The following PCDHGB5 variants were observed in gnomAD, a reference collection of about 807,000 sequenced individuals.
PCDHGB5 encodes the protein protocadherin gamma subfamily B, 5.
Under a neutral mutation model 62.9 loss-of-function variants are expected in PCDHGB5, and 48 were observed. The observed-to-expected ratio is 0.76, with a 90% CI of 0.61 to 0.97. The LOEUF (loss-of-function observed/expected upper bound fraction) is 0.97. Among genes scored for constraint, PCDHGB5 ranks in the 50% least tolerant of loss-of-function variants. The pLI is 0.00. For missense variants in PCDHGB5, 1,118 were observed against 1,198.6 expected (o/e 0.93, Z 0.99); for synonymous variants, 474 against 511.2 (o/e 0.93, Z 0.98).
rs776258973 is a variant in PCDHGB5, at chr5:141,489,877, A to G, written c.2398-4930A>G. 1.2e-6 allele frequency: 2 copies of G among 1,614,230 alleles called. No individual in the cohort carries two copies. The highest frequency in any genetic ancestry group is 2.2e-5 in the South Asian group (2 of 91,090). Reference sequence around the variant, plus strand: ...CCAGGCAAGACATCAGCTGGTGCTTACTGCTGTGGATGGGGGGACCCCAGC... The same window carrying G: ...CCAGGCAAGACATCAGCTGGTGCTTGCTGCTGTGGATGGGGGGACCCCAGC... On this transcript the variant is annotated intron_variant, in intron 1 of 3. Coordinates refer to ENST00000617380, the MANE Select transcript of PCDHGB5 (RefSeq NM_018925.3). This position sits in a 1 kb window ranked among gnomAD's most constrained non-coding sequence, Gnocchi z 4.5.
At chr5:141,404,882 G>T (rs1380203392) in intron 1 of PCDHGB5, 3 of 1,613,772 alleles carry the variant, frequency 1.9e-6, no homozygotes, top group Non-Finnish European at 2.5e-6. Context: ...GAGCCTTGTG[G>T]TGGCTGTACA....
chr5:141,410,079 T>A, intron 1 of PCDHGB5: 1 of 1,612,494 alleles, frequency 6.2e-7, no homozygotes, highest in Non-Finnish European at 8.5e-7. Context: ...ACTGGGGAGG[T>A]GCGCACGGCT....
intron 1 of PCDHGB5, among the ~76,000 whole-genome samples, chr5:141,405,886 CCAACACTGAAAGGAGG>C (rs1168478788): frequency 1.3e-5 from 2 of 152,086 alleles, no homozygotes; most frequent in African/African-American, 4.8e-5. Context: ...AATTGTTGCT[CCAACACTGAAAGGAGG>C]CATTTATTAG....
intron 1 of PCDHGB5, among the ~76,000 whole-genome samples, chr5:141,443,122 A>C (rs1239492679): frequency 6.6e-6 from 1 of 152,138 alleles, no homozygotes; most frequent in East Asian, 1.9e-4. Flanking sequence ...TTCAAACCAG[A>C]TTAAGAACAC....
chr5:141,500,184 T>TTTTTTTTATTTA (rs1554186429), intron 2 of PCDHGB5, among the ~76,000 whole-genome samples: 16 of 135,886 alleles, frequency 1.2e-4, no homozygotes, highest in African/African-American at 4.3e-4. Context: ...TCATTTTTAT[T>TTTTTTTTATTTA]TTTATTTATT....
chr5:141,404,682 T>G lies in PCDHGB5; in HGVS notation c.2397+4158T>G, dbSNP rs766278950. 2.5e-6 allele frequency: 4 copies of G among 1,613,914 alleles called. No individual in the cohort carries two copies. Among genetic ancestry groups the G allele is most frequent in the Non-Finnish European group, 2.5e-6 (3 of 1,179,906 alleles). On this transcript the variant is annotated intron_variant, in intron 1 of 3. Coordinates refer to ENST00000617380, the MANE Select transcript of PCDHGB5 (RefSeq NM_018925.3). ...ACTGATGGTTCTACTGGTGTGGAGC[T>G]GGCACCCCGCTCTGCAGAGCCTGGC...
intron 1 of PCDHGB5, among the ~76,000 whole-genome samples, chr5:141,407,092 T>C (rs917246877): frequency 1.3e-5 from 2 of 152,360 alleles, no homozygotes; most frequent in Admixed American, 6.5e-5. Context: ...AGAATTGTTT[T>C]ATTTGTTTGT....
chr5:141,473,382 C>T (rs780229708), intron 1 of PCDHGB5, among the ~76,000 whole-genome samples: 3 of 152,190 alleles, frequency 2.0e-5, no homozygotes, highest in Non-Finnish European at 4.4e-5. Context: ...TGGTCCCTGC[C>T]CTCCTGGAGC....
intron 1 of PCDHGB5, chr5:141,423,553 T>G: frequency 2.5e-6 from 4 of 1,613,548 alleles, no homozygotes; most frequent in Non-Finnish European, 3.4e-6. Flanking sequence ...CCAGCCCAAC[T>G]ATGGGGACAC....
In PCDHGB5 at chr5:141,511,358, G is replaced by GT; in HGVS notation, c.*187dup. 1 of 1,355,398 alleles carries GT rather than the reference G, an allele frequency of 7.4e-7. No homozygotes were observed. Among genetic ancestry groups the GT allele is most frequent in the South Asian group, 1.5e-5 (1 of 66,198 alleles). 84.0% of individuals were successfully genotyped at this position (1,355,398 alleles called of 1,614,324 possible). On this transcript the variant is annotated 3_prime_UTR_variant, in exon 4 of 4. Transcript: ENST00000617380. ...GCACCTACCCCTTCCCCCCCAGGGG[G>GT]TTGAATATGCAAAAGCAGTTCCGCT...
Position 141,511,186 on chromosome 5 carries a change from G to A in PCDHGB5, c.*13G>A. 1 of 1,613,906 alleles carries A rather than the reference G, an allele frequency of 6.2e-7. No individual in the cohort carries two copies. The highest frequency in any genetic ancestry group is 8.5e-7 in the Non-Finnish European group (1 of 1,179,890). ...GGAGAAGAAGTAACATGGAGGCCAG[G>A]CCAAGAGCCACAGGGCGGCCTCTCC... On this transcript the variant is annotated 3_prime_UTR_variant, in exon 4 of 4. Transcript: ENST00000617380.
Position 141,399,942 on chromosome 5 carries a change from G to T in PCDHGB5, c.1815G>T (p.Leu605=), listed in dbSNP as rs780939486. ...GHNAWLSYHV[L]QASEPGLFSL... is the part of the protein sequence containing the mutation. Reference sequence around the variant, plus strand: ...ACGCCTGGCTGTCCTACCACGTGCTGCAGGCTAGCGAGCCCGGGCTCTTCA... The same window carrying T: ...ACGCCTGGCTGTCCTACCACGTGCTTCAGGCTAGCGAGCCCGGGCTCTTCA... The change falls in exon 1 of 4, where the codon CTG becomes CTT. Residue 605 remains leucine (L), a synonymous_variant. Transcript: ENST00000617380. 1.2e-6 allele frequency: 2 copies of T among 1,612,258 alleles called. No individual in the cohort carries two copies. Among genetic ancestry groups the T allele is most frequent in the Admixed American group, 3.3e-5 (2 of 60,020 alleles).
chr5:141,476,187 G>T lies in PCDHGB5; in HGVS notation c.2398-18620G>T. 1 of 1,613,782 alleles carries T rather than the reference G, an allele frequency of 6.2e-7. No individual in the cohort carries two copies. The highest frequency in any genetic ancestry group is 8.5e-7 in the Non-Finnish European group (1 of 1,180,028). ...GTAGTGGGAGTTTTGCTTCTGCTTG[G>T]TGCCTTGAACAAGGCTTCCACGGTC... On this transcript the variant is annotated intron_variant, in intron 1 of 3. Transcript: ENST00000617380. This position sits in a 1 kb window ranked among gnomAD's most constrained non-coding sequence, Gnocchi z 7.6.
intron 2 of PCDHGB5, among the ~76,000 whole-genome samples, chr5:141,501,761 G>C (rs906778888): frequency 2.6e-5 from 4 of 152,090 alleles, no homozygotes; most frequent in African/African-American, 4.8e-5. Flanking sequence ...CTCAGTAAAT[G>C]GTTAAAAAAG....
intron 2 of PCDHGB5, 106 bp downstream of exon 2, chr5:141,494,971 C>T (rs1244836841): frequency 1.3e-6 from 2 of 1,583,382 alleles, no homozygotes; most frequent in African/African-American, 1.3e-5. Context: ...ATGGCTTCTC[C>T]CTCAGTTTGA....
chr5:141,399,742 A>G lies in PCDHGB5; in HGVS notation c.1615A>G (p.Ser539Gly). 14 of 1,613,320 alleles carry G rather than the reference A, an allele frequency of 8.7e-6. No homozygotes were observed. Among genetic ancestry groups the G allele is most frequent in the Non-Finnish European group, 1.2e-5 (14 of 1,179,860 alleles). The stretch of plus-strand genomic sequence containing the variant: ...CCGCGACCAGGGCTCGCCTGCGCTC[A>G]GCGCAAACGTGAGCCTGCGCGTGTT... ...QARDQGSPAL[S>G]ANVSLRVLVG... The change falls in exon 1 of 4, where the codon AGC becomes GGC. Residue 539 changes from serine to glycine, a missense_variant. Physicochemically the swap from Ser to Gly is moderately conservative, Grantham distance 56. Transcript: ENST00000617380.
intron 1 of PCDHGB5, chr5:141,422,319 TAC>T: frequency 6.5e-7 from 1 of 1,548,220 alleles, no homozygotes; most frequent in Admixed American, 2.1e-5. Flanking sequence ...CTCCTCCAGG[TAC>T]AGTGATTGCT....
At chr5:141,420,634 G>A (rs891111955) in intron 1 of PCDHGB5, among the ~76,000 whole-genome samples, 2 of 152,080 alleles carry the variant, frequency 1.3e-5, no homozygotes, top group African/African-American at 4.8e-5. Context: ...CTCAATAAAG[G>A]AACCTTGTAA....
chr5:141,398,674 A>T lies in PCDHGB5; in HGVS notation c.547A>T (p.Lys183Ter). 6.2e-7 allele frequency: 1 copy of T among 1,614,010 alleles called. No individual in the cohort carries two copies. The highest frequency in any genetic ancestry group is 8.5e-7 in the Non-Finnish European group (1 of 1,179,898). ...SLNPSFSLII[K>*]EKQDGSKYPE... Reference sequence around the variant, plus strand: ...TAACCCAAGTTTCTCATTAATAATTAAGGAGAAACAGGATGGTAGTAAATA... The same window carrying T: ...TAACCCAAGTTTCTCATTAATAATTTAGGAGAAACAGGATGGTAGTAAATA... The change falls in exon 1 of 4, where the codon AAG (lysine) becomes TAG (stop). Residue 183 changes from lysine to a stop codon, truncating the protein, a stop_gained. Transcript: ENST00000617380. LOFTEE classifies it high-confidence loss of function.
Sources: allele counts gnomAD v4.1 joint callset (sites outside exome capture counted in the v4.1 genomes callset), GRCh38; gene constraint gnomAD v4.1.1; non-coding constraint Gnocchi (gnomAD v3.1); transcripts MANE v1.5; gene names NCBI Gene and HGNC (gene_info 2026-07-23, HGNC 2026-07-21).